Variants in TG observed in about 807,000 individuals in gnomAD.
TG encodes thyroglobulin, also known as thyroid hormones.
Under a neutral mutation model 324.7 loss-of-function variants are expected in TG, and 270 were observed. The ratio of observed to expected loss-of-function variants is 0.83; its 90% CI spans 0.75 to 0.92. TG has a LOEUF of 0.92. TG is among the 40% of genes least tolerant of loss of function. The pLI, the probability that TG is intolerant of heterozygous loss-of-function variation, is 0.00. For synonymous variants in TG, 1,401 were observed against 1,327.0 expected (o/e 1.06, Z -1.21); for missense variants, 3,591 against 3,456.4 (o/e 1.04, Z -0.98).
chr8:132,969,248 G>T (rs1829114663), intron 31 of TG, among the ~76,000 whole-genome samples: 1 of 151,922 alleles, frequency 6.6e-6, no homozygotes, highest in Admixed American at 6.6e-5. Context: ...ACATTTTGTT[G>T]CTGTGTCTCC....
rs768698688 is a variant in TG at position 132,967,844 on chromosome 8, G to A, written c.5737G>A (p.Ala1913Thr). ...FCQLAEITES[A>T]SLYFTCTLYP... is the part of the protein sequence containing the mutation. ...TCAGCTCGCAGAGATAACAGAGAGT[G>A]CATCCTTGTACTTCACCTGCACCCT... Residue 1913 changes from alanine (A) to threonine (T), a missense_variant, in exon 31 of 48, where the codon GCA becomes ACA. Ala to Thr is a moderately conservative substitution (Grantham distance 58). Transcript: ENST00000220616. The A allele has an allele frequency of 7.4e-6, 12 of 1,613,862 alleles. No individual in the cohort carries two copies. Among genetic ancestry groups the A allele is most frequent in the Non-Finnish European group, 1.0e-5 (12 of 1,179,930 alleles).
At position 132,948,821 on chromosome 8, in the gene TG, GTAA is replaced by G; in HGVS notation, c.5281_5283del (p.Asn1761del). On this transcript the variant is annotated inframe_deletion, in exon 27 of 48. Transcript: ENST00000220616. ...CTGAGCTCACCCAGTGTCCTGCTTTGTAATGTCAAAGACTGGATGGATCCCTCT... is the reference window on the plus strand; with the variant it reads ...CTGAGCTCACCCAGTGTCCTGCTTTGTGTCAAAGACTGGATGGATCCCTCT... The G allele has an allele frequency of 6.2e-7, 1 of 1,613,986 alleles. No homozygotes were observed.
intron 35 of TG, among the ~76,000 whole-genome samples, chr8:132,991,026 C>T (rs1215151051): frequency 3.2e-5 from 4 of 126,136 alleles, no homozygotes; most frequent in African/African-American, 9.0e-5. Flanking sequence ...AGTGTTGTCT[C>T]GGTGGAGGCC....
chr8:133,002,582 C>A, intron 35 of TG: 1 of 277,594 alleles, frequency 3.6e-6, no homozygotes, highest in Non-Finnish European at 5.5e-6. Context: ...AGTCTGATGT[C>A]TTATATTTTA....
At chr8:132,944,455 C>T (rs1284515777) in intron 26 of TG, among the ~76,000 whole-genome samples, 4 of 152,190 alleles carry the variant, frequency 2.6e-5, no homozygotes, top group Non-Finnish European at 1.5e-5. Context: ...ATATCCATCT[C>T]CCTGGTGGAT....
At chr8:132,922,639 C>T (rs546127662) in intron 21 of TG, among the ~76,000 whole-genome samples, 1 of 152,200 alleles carries the variant, frequency 6.6e-6, no homozygotes. Context: ...GGCTTATAAA[C>T]AGCAGAAATT....
chr8:133,050,708 C>T, intron 41 of TG: 3 of 750,466 alleles, frequency 4.0e-6, no homozygotes, highest in South Asian at 1.6e-5. Context: ...ATAATAGGAC[C>T]AGGACTCATG....
At chr8:132,994,982 A>T in intron 35 of TG, 3 of 975,880 alleles carry the variant, frequency 3.1e-6, no homozygotes, top group Non-Finnish European at 3.6e-6. Flanking sequence ...TTTCCCTTTA[A>T]ATTTTGTAAT....
intron 34 of TG, among the ~76,000 whole-genome samples, chr8:132,974,093 A>G (rs1204026732): frequency 6.7e-6 from 1 of 148,722 alleles, no homozygotes; most frequent in Non-Finnish European, 1.5e-5. Flanking sequence ...TCCTGGGTTC[A>G]AGCAATTCTC....
intron 41 of TG, among the ~76,000 whole-genome samples, chr8:133,066,979 G>A (rs1843124437): frequency 6.6e-6 from 1 of 152,184 alleles, no homozygotes; most frequent in Admixed American, 6.5e-5. Flanking sequence ...TGAACAGTTG[G>A]TCATGGCTCT....
At chr8:132,890,136 A>G (rs925880092) in intron 10 of TG, among the ~76,000 whole-genome samples, 3 of 128,190 alleles carry the variant, frequency 2.3e-5, no homozygotes, top group African/African-American at 8.9e-5. Flanking sequence ...CTTTTTTTTA[A>G]TTGAGTAACA....
chr8:132,940,195 A>T (rs1454452073), intron 25 of TG, among the ~76,000 whole-genome samples: 1 of 152,116 alleles, frequency 6.6e-6, no homozygotes, highest in Admixed American at 6.5e-5. Flanking sequence ...AGATGGGGTG[A>T]TCTGCCAGAC....
chr8:133,011,667 C>T (rs534711841), intron 35 of TG, among the ~76,000 whole-genome samples: 6 of 152,248 alleles, frequency 3.9e-5, no homozygotes, highest in African/African-American at 1.2e-4. Context: ...CTGTTTGTTT[C>T]GTTCTGTTTT....
chr8:133,095,104 A>G lies in TG; in HGVS notation c.7300A>G (p.Ile2434Val), dbSNP rs762093563. The change falls in exon 42 of 48, where the codon ATT becomes GTT. Residue 2434 changes from isoleucine to valine, a missense_variant. Ile to Val is a conservative substitution (Grantham distance 29). Transcript: ENST00000220616. Reference protein sequence around the residue: ...ISHERAQQQAIALAKEVSCPM... With the variant: ...ISHERAQQQAVALAKEVSCPM... ...CCATGAGAGGGCTCAGCAGCAGGCA[A>G]TTGCTTTGGCAAAGGAGGTCAGTTG... 1.9e-6 allele frequency: 3 copies of G among 1,614,048 alleles called. No individual in the cohort carries two copies. Among genetic ancestry groups the G allele is most frequent in the Non-Finnish European group, 2.5e-6 (3 of 1,180,032 alleles).
chr8:133,113,856 T>G (rs994978009), intron 44 of TG, among the ~76,000 whole-genome samples: 1 of 152,146 alleles, frequency 6.6e-6, no homozygotes, highest in Non-Finnish European at 1.5e-5. Flanking sequence ...TGGCTCTTCC[T>G]GGGCCATGAG....
chr8:132,941,699 A>G (rs375225502), intron 26 of TG, among the ~76,000 whole-genome samples, 157 bp downstream of exon 26: 6 of 152,104 alleles, frequency 3.9e-5, no homozygotes, highest in Admixed American at 2.0e-4. Flanking sequence ...CACACATGAT[A>G]CTCACATTCA....
At chr8:133,054,455 T>A (rs1005190403) in intron 41 of TG, among the ~76,000 whole-genome samples, 2 of 152,204 alleles carry the variant, frequency 1.3e-5, no homozygotes, top group Non-Finnish European at 2.9e-5. Flanking sequence ...AATCTGAGCT[T>A]GATTTCTTCG....
At chr8:133,113,174 A>G (rs1271066833) in intron 43 of TG, among the ~76,000 whole-genome samples, 2 of 152,164 alleles carry the variant, frequency 1.3e-5, no homozygotes, top group Non-Finnish European at 2.9e-5. Flanking sequence ...CCATAATCCT[A>G]TGTGGCAGGC....
intron 35 of TG, among the ~76,000 whole-genome samples, chr8:132,992,677 G>T (rs1278805863): frequency 6.6e-6 from 1 of 152,138 alleles, no homozygotes; most frequent in Non-Finnish European, 1.5e-5. Context: ...GGCTGTGGGT[G>T]CTGCTGGCAG....
Sources: gnomAD v4.1 joint callset for allele counts (sites outside exome capture counted in the v4.1 genomes callset) on GRCh38, gnomAD v4.1.1 for gene constraint, MANE v1.5 for transcripts, NCBI Gene and HGNC (gene_info 2026-07-23, HGNC 2026-07-21) for gene names.